Variants in ADGRB3 observed in about 807,000 individuals in gnomAD.
The protein encoded by ADGRB3 is adhesion G protein-coupled receptor B3.
A neutral mutation model predicts 193.4 loss-of-function variants in ADGRB3; 37 were observed. The ratio of observed to expected loss-of-function variants is 0.19; its 90% CI spans 0.15 to 0.25. ADGRB3 has a LOEUF of 0.25. Ranked by LOEUF, ADGRB3 falls within the 10% of genes least tolerant of loss-of-function variation. The pLI is 1.00. For synonymous variants in ADGRB3, 690 were observed against 644.2 expected (o/e 1.07, Z -1.08); for missense variants, 1,637 against 1,852.9 (o/e 0.88, Z 2.14).
chr6:68,845,145 A>G (rs1768247831), intron 3 of ADGRB3, among the ~76,000 whole-genome samples: 1 of 152,240 alleles, frequency 6.6e-6, no homozygotes, highest in Non-Finnish European at 1.5e-5. Flanking sequence ...TAAATACTTG[A>G]GGTAAATGGA....
chr6:69,324,959 A>G lies in ADGRB3; in HGVS notation c.2902A>G (p.Met968Val), dbSNP rs772413368. The change falls in exon 21 of 32, where the codon ATG becomes GTG. Residue 968 changes from methionine (M) to valine (V), a missense_variant. This residue lies in a region of ADGRB3 where 87 missense variants were observed against 161.0 expected (regional missense o/e 0.54). Transcript: ENST00000370598. Reference sequence around the variant, plus strand: ...TTTGACTGAGGCGTGGCAATCATATATGGCTGTAACTGGAAAAATTAGGAC... The same window carrying G: ...TTTGACTGAGGCGTGGCAATCATATGTGGCTGTAACTGGAAAAATTAGGAC... ...WVLTEAWQSY[M>V]AVTGKIRTRL... 6.2e-7 allele frequency: 1 copy of G among 1,613,912 alleles called. No homozygotes were observed. Among genetic ancestry groups the G allele is most frequent in the Non-Finnish European group, 8.5e-7 (1 of 1,179,906 alleles).
chr6:69,192,178 G>T (rs1199778466), intron 17 of ADGRB3, among the ~76,000 whole-genome samples: 1 of 152,156 alleles, frequency 6.6e-6, no homozygotes, highest in African/African-American at 2.4e-5. Context: ...TGAGGAGCAA[G>T]GAAGCCAGTT....
intron 17 of ADGRB3, among the ~76,000 whole-genome samples, chr6:69,188,259 C>A (rs1561946517): frequency 6.6e-6 from 1 of 151,724 alleles, no homozygotes; most frequent in Non-Finnish European, 1.5e-5. Context: ...CCTTTTTTTT[C>A]TGGGAGTTAT....
At chr6:68,684,941 A>T (rs1039203272) in intron 3 of ADGRB3, among the ~76,000 whole-genome samples, 1 of 152,080 alleles carries the variant, frequency 6.6e-6, no homozygotes, top group African/African-American at 2.4e-5. Flanking sequence ...AAAGGAGAGT[A>T]TGCTTCATTT....
At chr6:68,681,558 C>G (rs1224355633) in intron 3 of ADGRB3, among the ~76,000 whole-genome samples, 1 of 152,070 alleles carries the variant, frequency 6.6e-6, no homozygotes, top group Admixed American at 6.6e-5. Flanking sequence ...GAGATTACAG[C>G]AGTTAGTCAC....
At chr6:68,693,428 T>C (rs1188610181) in intron 3 of ADGRB3, among the ~76,000 whole-genome samples, 2 of 151,914 alleles carry the variant, frequency 1.3e-5, no homozygotes, top group African/African-American at 4.8e-5. Flanking sequence ...TGAAAACATA[T>C]ACTAAAAAAG....
Position 68,643,574 on chromosome 6 carries a change from C to G in ADGRB3, c.757+4142C>G, listed in dbSNP as rs150073418. The stretch of plus-strand genomic sequence containing the variant: ...TGCCCTGTCCCTGTGCTGGATCCCA[C>G]AGACCTTTGCACATACTGTACTTCT... On this transcript the variant is annotated intron_variant, in intron 3 of 31. Transcript: ENST00000370598. Among the ~76,000 whole-genome samples the G allele has an allele frequency of 7.9e-5, 12 of 151,620 alleles. No individual in the cohort carries two copies. In the East Asian group the frequency reaches 2.4e-3, roughly 30 times the overall value.
chr6:68,869,283 A>G (rs1393908269), intron 3 of ADGRB3, among the ~76,000 whole-genome samples: 2 of 152,148 alleles, frequency 1.3e-5, no homozygotes, highest in East Asian at 3.9e-4. Context: ...TGATATAGAA[A>G]CTTTTTAATG....
intron 17 of ADGRB3, among the ~76,000 whole-genome samples, chr6:69,155,533 A>G (rs1308685882): frequency 2.6e-5 from 4 of 152,334 alleles, no homozygotes; most frequent in Admixed American, 6.5e-5. Flanking sequence ...TACAAAGTTT[A>G]CCCAATAGTA....
intron 16 of ADGRB3, among the ~76,000 whole-genome samples, chr6:69,075,690 A>C (rs1362145784): frequency 6.6e-6 from 1 of 152,186 alleles, no homozygotes; most frequent in African/African-American, 2.4e-5. Flanking sequence ...CATAAGTATA[A>C]AATCAAAATC....
At chr6:68,721,206 G>T (rs1408603067) in intron 3 of ADGRB3, among the ~76,000 whole-genome samples, 3 of 151,838 alleles carry the variant, frequency 2.0e-5, no homozygotes, top group African/African-American at 7.2e-5. Context: ...ACTCACAATA[G>T]CAAAGACTTG....
chr6:68,677,299 G>A (rs1399341635), intron 3 of ADGRB3, among the ~76,000 whole-genome samples: 2 of 151,944 alleles, frequency 1.3e-5, no homozygotes, highest in African/African-American at 4.8e-5. Context: ...ATTTATACTG[G>A]CTCTGGTTCA....
At chr6:68,917,018 A>G (rs1766899835) in intron 3 of ADGRB3, among the ~76,000 whole-genome samples, 1 of 152,176 alleles carries the variant, frequency 6.6e-6, no homozygotes, top group Non-Finnish European at 1.5e-5. Context: ...GGGCGGTGGT[A>G]TGATGTGAGC....
At chr6:68,747,047 A>G (rs1159217726) in intron 3 of ADGRB3, among the ~76,000 whole-genome samples, 2 of 152,192 alleles carry the variant, frequency 1.3e-5, no homozygotes, top group African/African-American at 2.4e-5. Context: ...GGTGAGGATG[A>G]TAAGAGTCAG....
intron 13 of ADGRB3, among the ~76,000 whole-genome samples, chr6:69,045,952 C>T (rs371563237): frequency 1.3e-5 from 2 of 152,096 alleles, no homozygotes; most frequent in East Asian, 1.9e-4. Context: ...TAACAGCTAA[C>T]GTACCTCTAA....
At chr6:69,002,817 T>C (rs1006949525) in intron 11 of ADGRB3, among the ~76,000 whole-genome samples, 1 of 152,174 alleles carries the variant, frequency 6.6e-6, no homozygotes, top group African/African-American at 2.4e-5. Context: ...GGAATTACAG[T>C]ACAACTCTAG....
At chr6:69,037,282 A>T (rs902611869) in intron 13 of ADGRB3, among the ~76,000 whole-genome samples, 1 of 152,214 alleles carries the variant, frequency 6.6e-6, no homozygotes, top group Non-Finnish European at 1.5e-5. Flanking sequence ...TTGTTGAATT[A>T]AAGAATCTCA....
intron 11 of ADGRB3, among the ~76,000 whole-genome samples, chr6:69,002,636 T>C (rs562972728): frequency 3.9e-5 from 6 of 152,286 alleles, no homozygotes; most frequent in East Asian, 1.9e-4. Flanking sequence ...GGTTTCTCCA[T>C]TGGTTTTAAT....
chr6:69,012,375 A>G (rs910779037), intron 11 of ADGRB3, among the ~76,000 whole-genome samples: 16 of 152,018 alleles, frequency 1.1e-4, no homozygotes, highest in Non-Finnish European at 1.8e-4. Flanking sequence ...ACTGGCATGT[A>G]CAGGGATAAA....
Sources: allele counts gnomAD v4.1 joint callset (sites outside exome capture counted in the v4.1 genomes callset), GRCh38; gene constraint gnomAD v4.1.1; regional missense constraint gnomAD v4.1.1; transcripts MANE v1.5; gene names NCBI Gene and HGNC (gene_info 2026-07-23, HGNC 2026-07-21).